The following PPA1 variants were observed in gnomAD, a reference collection of about 807,000 sequenced individuals.
PPA1 encodes the protein inorganic pyrophosphatase 1, also known as inorganic pyrophosphatase.
Under a neutral mutation model 41.8 loss-of-function variants are expected in PPA1, and 23 were observed. That is an observed-to-expected ratio of 0.55 (90% CI 0.40 to 0.78). PPA1 has a LOEUF of 0.78. PPA1 is among the 30% of genes least tolerant of loss of function. The pLI is 0.00. For synonymous variants in PPA1, 101 were observed against 116.8 expected, an observed-to-expected ratio of 0.86 and a Z score of 0.87; for missense variants, 320 against 361.6, an observed-to-expected ratio of 0.89 and a Z score of 0.93.
chr10:70,212,469 T>C (rs962620099), intron 6 of PPA1, among the ~76,000 whole-genome samples: 6 of 152,076 alleles, frequency 3.9e-5, no homozygotes, highest in African/African-American at 1.4e-4. Context: ...ATGTAGTATA[T>C]CCACACAATG....
rs1285987134 is a variant in PPA1 at position 70,220,573 on chromosome 10, A to T, written c.124-1756T>A. Among the ~76,000 whole-genome samples, 12 of 61,424 alleles carry T rather than the reference A, an allele frequency of 2.0e-4. 5 individuals carry two copies. The highest frequency in any genetic ancestry group is 6.3e-4 in the African/African-American group (11 of 17,570). 40.3% of individuals were successfully genotyped at this position (61,424 alleles called of 152,430 possible). A position where few individuals can be genotyped will look rare whatever the true frequency, so the allele number is the denominator to read the frequency against. ...TAATATATATATAATTATATATATA[A>T]TATATATAATTATATATTATATATA... is the stretch of plus-strand genomic sequence containing the variant. On this transcript the variant is annotated intron_variant, in intron 2 of 10. Coordinates refer to ENST00000373232, the MANE Select transcript of PPA1 (RefSeq NM_021129.4).
chr10:70,217,621 T>C (rs1840093709), intron 4 of PPA1, among the ~76,000 whole-genome samples, 191 bp downstream of exon 4: 1 of 152,248 alleles, frequency 6.6e-6, no homozygotes, highest in African/African-American at 2.4e-5. Flanking sequence ...ATTTAAACAT[T>C]GTAAATATTT....
chr10:70,231,920 C>T (rs1361941283), intron 1 of PPA1, among the ~76,000 whole-genome samples: 4 of 152,196 alleles, frequency 2.6e-5, no homozygotes, highest in Non-Finnish European at 5.9e-5. Flanking sequence ...CTTGAAGATC[C>T]ACCCCTCACC....
intron 2 of PPA1, among the ~76,000 whole-genome samples, chr10:70,229,275 T>C (rs1840262848): frequency 6.6e-6 from 1 of 152,184 alleles, no homozygotes; most frequent in Non-Finnish European, 1.5e-5. Context: ...CCACGAATCA[T>C]AACTATTTTG....
intron 2 of PPA1, among the ~76,000 whole-genome samples, chr10:70,219,608 CT>C (rs1194666265): frequency 2.0e-5 from 3 of 152,136 alleles, no homozygotes; most frequent in Non-Finnish European, 2.9e-5. Flanking sequence ...TAAAGCCCCC[CT>C]GAAAAGGACT....
At chr10:70,232,082 G>C (rs1840294942) in intron 1 of PPA1, among the ~76,000 whole-genome samples, 2 of 152,146 alleles carry the variant, frequency 1.3e-5, no homozygotes, top group Admixed American at 6.5e-5. Flanking sequence ...ATGGAGAGTG[G>C]GGGGTAGTTC....
chr10:70,230,058 G>A (rs1245527284), intron 2 of PPA1, among the ~76,000 whole-genome samples: 3 of 152,054 alleles, frequency 2.0e-5, no homozygotes, highest in Non-Finnish European at 4.4e-5. Flanking sequence ...ACAGACACAT[G>A]CCACCATGCC....
At chr10:70,232,305 T>C (rs1347102048) in intron 1 of PPA1, among the ~76,000 whole-genome samples, 1 of 152,190 alleles carries the variant, frequency 6.6e-6, no homozygotes, top group Non-Finnish European at 1.5e-5. Context: ...GTAAAGAGGT[T>C]ACAATAGAAG....
rs773377918 is a variant in PPA1, at chr10:70,230,331, G to A, written c.123+10C>T. On this transcript the variant is annotated intron_variant, in intron 2 of 10. Coordinates refer to ENST00000373232, the MANE Select transcript of PPA1 (RefSeq NM_021129.4). ...TAAAGAGACTGTGTCCAAAAACAAG[G>A]ATGCCTTACCTTATCTGCATAAATT... 6.2e-7 allele frequency: 1 copy of A among 1,612,700 alleles called. No homozygotes were observed. Among genetic ancestry groups the A allele is most frequent in the South Asian group, 1.1e-5 (1 of 90,756 alleles).
At chr10:70,223,993 A>T (rs1840202813) in intron 2 of PPA1, among the ~76,000 whole-genome samples, 1 of 152,212 alleles carries the variant, frequency 6.6e-6, no homozygotes, top group Admixed American at 6.5e-5. Context: ...AAAAGAAGGA[A>T]GTTAAGTCTC....
At position 70,203,151 on chromosome 10, in the gene PPA1, C is replaced by T. The variant is rs549801297; in HGVS notation, c.*4G>A. 6.8e-6 allele frequency: 11 copies of T among 1,606,936 alleles called. No individual in the cohort carries two copies. The East Asian group carries it at 2.0e-4, about 29-fold the overall frequency. Reference sequence around the variant, plus strand: ...ATATCAGCTTGTATTCCAGAGAAATCTCATTAGTTTTTCTGGTGATGGAAC... The same window carrying T: ...ATATCAGCTTGTATTCCAGAGAAATTTCATTAGTTTTTCTGGTGATGGAAC... On this transcript the variant is annotated 3_prime_UTR_variant, in exon 11 of 11. Transcript: ENST00000373232.
chr10:70,217,877 G>C lies in PPA1; in HGVS notation c.232C>G (p.Leu78Val). 1 of 1,605,732 alleles carries C rather than the reference G, an allele frequency of 6.2e-7. No homozygotes were observed. Among genetic ancestry groups the C allele is most frequent in the Non-Finnish European group, 8.5e-7 (1 of 1,174,590 alleles). Reference sequence around the variant, plus strand: ...GGGAACAAATTCGCAACATAGCGAAGTTTTCCTTTTTTCACATCTTGTTTA... The same window carrying C: ...GGGAACAAATTCGCAACATAGCGAACTTTTCCTTTTTTCACATCTTGTTTA... ...PIKQDVKKGKLRYVANLFPYK... is the reference protein window; with the variant it reads ...PIKQDVKKGKVRYVANLFPYK... Residue 78 changes from leucine to valine, a missense_variant, in exon 4 of 11, where the codon CTT becomes GTT. By Grantham distance (32) the Leu-to-Val change is conservative. Transcript: ENST00000373232.
intron 6 of PPA1, among the ~76,000 whole-genome samples, chr10:70,212,754 GA>G (rs1398312736): frequency 6.6e-6 from 1 of 150,470 alleles, no homozygotes; most frequent in Non-Finnish European, 1.5e-5. Context: ...CCTTGTGAAT[GA>G]ATGAAATGCC....
chr10:70,220,213 A>C (rs1840122037), intron 2 of PPA1, among the ~76,000 whole-genome samples: 1 of 150,792 alleles, frequency 6.6e-6, no homozygotes, highest in South Asian at 2.1e-4. Flanking sequence ...TACAGGTGTA[A>C]GCCACCGCAC....
At chr10:70,221,345 T>C (rs755857899) in intron 2 of PPA1, among the ~76,000 whole-genome samples, 1 of 151,638 alleles carries the variant, frequency 6.6e-6, no homozygotes, top group Non-Finnish European at 1.5e-5. Flanking sequence ...TCATTTTAAG[T>C]TCCTGCTGAA....
intron 1 of PPA1, among the ~76,000 whole-genome samples, chr10:70,231,605 C>T (rs1305375851): frequency 6.6e-6 from 1 of 152,170 alleles, no homozygotes; most frequent in Non-Finnish European, 1.5e-5. Context: ...CCTTTAGGGC[C>T]AATTGTGACT....
chr10:70,213,959 T>C (rs1054151021), intron 5 of PPA1, among the ~76,000 whole-genome samples: 1 of 152,228 alleles, frequency 6.6e-6, no homozygotes, highest in African/African-American at 2.4e-5. Flanking sequence ...AGTCATACGA[T>C]GACTCAAAAA....
At chr10:70,212,762 T>C (rs1840034971) in intron 6 of PPA1, among the ~76,000 whole-genome samples, 1 of 150,760 alleles carries the variant, frequency 6.6e-6, no homozygotes, top group African/African-American at 2.4e-5. Flanking sequence ...ATGAATGAAA[T>C]GCCACTGAAT....
At position 70,209,582 on chromosome 10, in the gene PPA1, C is replaced by G; in HGVS notation, c.615G>C (p.Ala205=). Residue 205 remains alanine, a synonymous_variant, in exon 7 of 11, where the codon GCG becomes GCC. Coordinates refer to ENST00000373232, the MANE Select transcript of PPA1 (RefSeq NM_021129.4). Reference sequence around the variant, plus strand: ...CCTTATCTTTAAATTCTGCATTAAACGCAAACTCATTTTCTGGTTTTCCAT... The same window carrying G: ...CCTTATCTTTAAATTCTGCATTAAAGGCAAACTCATTTTCTGGTTTTCCAT... ...VPDGKPENEF[A]FNAEFKDKDF... The G allele has an allele frequency of 6.2e-7, 1 of 1,603,592 alleles. No homozygotes were observed. The highest frequency in any genetic ancestry group is 1.8e-5 in the Admixed American group (1 of 56,448).
Sources: allele counts gnomAD v4.1 joint callset (sites outside exome capture counted in the v4.1 genomes callset), GRCh38; gene constraint gnomAD v4.1.1; transcripts MANE v1.5; gene names NCBI Gene and HGNC (gene_info 2026-07-23, HGNC 2026-07-21).